SUZ12: variants seen among roughly 807,000 people sequenced by gnomAD.
SUZ12 encodes the protein SUZ12 polycomb repressive complex 2 subunit.
In SUZ12, 17 loss-of-function variants were observed where a neutral mutation model predicts 87.3. The observed-to-expected ratio is 0.19, with a 90% confidence interval of 0.13 to 0.29. The LOEUF (loss-of-function observed/expected upper bound fraction) is 0.29, where lower values mean the gene tolerates loss of function less well. Among genes scored for constraint, SUZ12 ranks in the 10% least tolerant of loss-of-function variants. SUZ12 has a pLI of 1.00. For missense variants in SUZ12, 526 were observed against 912.2 expected (o/e 0.58, Z 5.45); for synonymous variants, 253 against 312.4 (o/e 0.81, Z 2.01).
chr17:31,989,268 G>T (rs539190595), intron 10 of SUZ12, among the ~76,000 whole-genome samples: 1 of 151,882 alleles, frequency 6.6e-6, no homozygotes, highest in African/African-American at 2.4e-5. Context: ...TATTGGGTAG[G>T]TTATGAATCA....
intron 14 of SUZ12, among the ~76,000 whole-genome samples, chr17:31,996,329 A>T (rs776858679): frequency 1.3e-5 from 2 of 152,100 alleles, no homozygotes; most frequent in Admixed American, 1.3e-4. Flanking sequence ...CCCTTTTTAA[A>T]TGACGGCAGG....
chr17:31,981,417 A>G (rs1909095016), intron 8 of SUZ12, among the ~76,000 whole-genome samples: 1 of 152,234 alleles, frequency 6.6e-6, no homozygotes, highest in Non-Finnish European at 1.5e-5. Context: ...AGACCAAAAA[A>G]CTTGATAAAG....
intron 5 of SUZ12, among the ~76,000 whole-genome samples, chr17:31,970,184 ATTG>A (rs1322179788): frequency 1.4e-4 from 21 of 152,222 alleles, no homozygotes; most frequent in African/African-American, 5.1e-4. Context: ...CATGATGAGT[ATTG>A]TTCGGCAAAT....
intron 4 of SUZ12, among the ~76,000 whole-genome samples, chr17:31,963,184 G>A (rs545704171): frequency 2.4e-4 from 36 of 152,030 alleles, no homozygotes; most frequent in Non-Finnish European, 4.4e-4. Flanking sequence ...TTGCTCTGTC[G>A]CCCAGGCTGG....
At chr17:31,984,675 C>T (rs1909308898) in intron 9 of SUZ12, among the ~76,000 whole-genome samples, 1 of 152,100 alleles carries the variant, frequency 6.6e-6, no homozygotes, top group Admixed American at 6.6e-5. Flanking sequence ...AGGACTCTCA[C>T]GCAGTTCTTA....
intron 8 of SUZ12, among the ~76,000 whole-genome samples, chr17:31,979,020 C>G (rs555506763): frequency 3.4e-5 from 5 of 147,674 alleles, no homozygotes; most frequent in Non-Finnish European, 7.4e-5. Flanking sequence ...GCAGGAGAAT[C>G]GCTTGAACCC....
At chr17:31,957,441 C>G (rs1405845327) in intron 4 of SUZ12, among the ~76,000 whole-genome samples, 1 of 150,694 alleles carries the variant, frequency 6.6e-6, no homozygotes, top group Non-Finnish European at 1.5e-5. Context: ...TACGGAGTTT[C>G]TTTCTTCTTG....
At chr17:31,969,924 C>G (rs1159461146) in intron 5 of SUZ12, among the ~76,000 whole-genome samples, 3 of 151,948 alleles carry the variant, frequency 2.0e-5, no homozygotes, top group Non-Finnish European at 2.9e-5. Context: ...TTCTTATTTT[C>G]TTACTATTAA....
At chr17:31,956,987 T>A (rs1907384127) in intron 4 of SUZ12, among the ~76,000 whole-genome samples, 1 of 152,112 alleles carries the variant, frequency 6.6e-6, no homozygotes, top group African/African-American at 2.4e-5. Context: ...TGTTAGCCAA[T>A]CTGGTCTTGA....
intron 11 of SUZ12, 130 bp from the exon 12 acceptor site, chr17:31,993,735 A>T: frequency 2.0e-6 from 2 of 1,002,650 alleles, no homozygotes; most frequent in Non-Finnish European, 2.8e-6. Context: ...GGGCATATTT[A>T]ATTAAAGAGA....
At chr17:31,992,702 G>A (rs570142350) in intron 10 of SUZ12, among the ~76,000 whole-genome samples, 2 of 151,838 alleles carry the variant, frequency 1.3e-5, no homozygotes, top group Non-Finnish European at 2.9e-5. Context: ...GAGCCACCGC[G>A]CCCGGCCCTG....
intron 4 of SUZ12, among the ~76,000 whole-genome samples, chr17:31,958,613 C>T (rs1907512429): frequency 6.6e-6 from 1 of 152,064 alleles, no homozygotes; most frequent in Admixed American, 6.6e-5. Flanking sequence ...TTTGGGAGGT[C>T]AAGGCAGGCG....
chr17:31,960,631 G>A (rs940174530), intron 4 of SUZ12, among the ~76,000 whole-genome samples: 1 of 152,036 alleles, frequency 6.6e-6, no homozygotes, highest in African/African-American at 2.4e-5. Context: ...AGGCTGGAGT[G>A]CAGTGGTGTG....
intron 6 of SUZ12, among the ~76,000 whole-genome samples, chr17:31,973,955 G>A (rs1046488615): frequency 5.3e-5 from 8 of 152,092 alleles, no homozygotes; most frequent in Non-Finnish European, 1.0e-4. Context: ...GCCGGTTGCC[G>A]TAGCTCACAC....
chr17:31,998,282 T>C (rs916981713), intron 15 of SUZ12, among the ~76,000 whole-genome samples: 6 of 152,038 alleles, frequency 3.9e-5, no homozygotes, highest in Non-Finnish European at 8.8e-5. Context: ...GGTTTCACAG[T>C]GTTAGCCAGG....
At chr17:31,988,841 C>T (rs990446389) in intron 10 of SUZ12, among the ~76,000 whole-genome samples, 11 of 151,690 alleles carry the variant, frequency 7.3e-5, no homozygotes, top group South Asian at 2.1e-4. Context: ...GAGACCGAGG[C>T]GGGCGGATCA....
At chr17:31,974,625 A>T (rs1908633222) in intron 6 of SUZ12, among the ~76,000 whole-genome samples, 2 of 152,162 alleles carry the variant, frequency 1.3e-5, no homozygotes, top group Admixed American at 6.5e-5. Context: ...GTTCAAAAAA[A>T]TGTATCGGGG....
At chr17:31,952,663 G>A (rs1421358489) in intron 4 of SUZ12, among the ~76,000 whole-genome samples, 2 of 152,018 alleles carry the variant, frequency 1.3e-5, no homozygotes, top group East Asian at 1.9e-4. Context: ...CCTGGGTTCA[G>A]GCAGTTCTCA....
chr17:31,989,672 C>T (rs1909604827), intron 10 of SUZ12, among the ~76,000 whole-genome samples: 1 of 151,918 alleles, frequency 6.6e-6, no homozygotes, highest in South Asian at 2.1e-4. Flanking sequence ...AATCTCGGCT[C>T]ACTGCACGCT....
Sources: allele counts gnomAD v4.1 joint callset (sites outside exome capture counted in the v4.1 genomes callset), GRCh38; gene constraint gnomAD v4.1.1; transcripts MANE v1.5; gene names NCBI Gene and HGNC (gene_info 2026-07-23, HGNC 2026-07-21).